Variants in SH3TC2 observed in about 807,000 individuals in gnomAD.
SH3TC2 encodes the protein SH3 domain and tetratricopeptide repeats 2, also known as SH3 domain and tetratricopeptide repeat-containing protein 2.
A neutral mutation model predicts 124.5 loss-of-function variants in SH3TC2; 87 were observed. The observed-to-expected ratio is 0.70, with a 90% CI of 0.59 to 0.84. The LOEUF is 0.84. SH3TC2 is among the 40% of genes least tolerant of loss of function. SH3TC2 has a pLI of 0.00. For missense variants in SH3TC2, 1,536 were observed against 1,566.4 expected (o/e 0.98, Z 0.33); for synonymous variants, 634 against 628.5 (o/e 1.01, Z -0.13).
rs530181557 is a variant in SH3TC2, at chr5:149,005,108, C to T, written c.3676-206G>A. On this transcript the variant is annotated intron_variant, in intron 16 of 16. Coordinates refer to ENST00000515425, the MANE Select transcript of SH3TC2 (RefSeq NM_024577.4). ...CTTGGGACATTGCTAATCACAGTGC[C>T]CTGCACTCCAGGCACAGAGGTGGTC... 2.7e-3 allele frequency among the ~76,000 whole-genome samples: 407 copies of T among 152,270 alleles called. 1 individual carries two copies. The highest frequency in any genetic ancestry group is 9.2e-3 in the African/African-American group (384 of 41,556).
At chr5:149,049,375 C>T (rs1754519072) in intron 2 of SH3TC2, among the ~76,000 whole-genome samples, 2 of 152,200 alleles carry the variant, frequency 1.3e-5, no homozygotes, top group Admixed American at 1.3e-4. Flanking sequence ...CTCTGCCCCT[C>T]AATAAATGTG....
rs918290985 is a variant in SH3TC2, at chr5:148,986,237, G to A, written c.*18474C>T. ...TTTGTAAGAACAAGAGAAAAAAAAT[G>A]TATCTGAAATCAGAAAGCAATTAAA... On this transcript the variant is annotated 3_prime_UTR_variant, in exon 17 of 17. Transcript: ENST00000515425. Among the ~76,000 whole-genome samples, 2 of 151,480 alleles carry A rather than the reference G, an allele frequency of 1.3e-5. No individual in the cohort carries two copies. The highest frequency in any genetic ancestry group is 4.8e-5 in the African/African-American group (2 of 41,376).
In SH3TC2 at chr5:149,001,634, G is replaced by T. The variant is rs1045942; in HGVS notation, c.*3077C>A. On this transcript the variant is annotated 3_prime_UTR_variant, in exon 17 of 17. Transcript: ENST00000515425. ...CTTTTTAAAAGAGTTTTAGCAAGCG[G>T]TTTACATATAGAATGTAGTAATTGC... 6.6e-6 allele frequency: 1 copy of T among 152,080 alleles called. No homozygotes were observed. The highest frequency in any genetic ancestry group is 1.9e-4 in the East Asian group (1 of 5,170). The allele number at this position is 152,080 out of a possible 1,614,324, so 9.4% of individuals were successfully genotyped here.
At chr5:149,061,170 G>A (rs1215895142) in intron 1 of SH3TC2, among the ~76,000 whole-genome samples, 1 of 152,168 alleles carries the variant, frequency 6.6e-6, no homozygotes, top group African/African-American at 2.4e-5. Context: ...CAAAAAGAAG[G>A]TGAAAGAATA....
chr5:149,024,707 T>TTCTGAC (rs1195068163), intron 12 of SH3TC2, among the ~76,000 whole-genome samples: 1 of 152,216 alleles, frequency 6.6e-6, no homozygotes, highest in African/African-American at 2.4e-5. Flanking sequence ...GCTCTGTGGC[T>TTCTGAC]TCTGACTCCC....
intron 13 of SH3TC2, among the ~76,000 whole-genome samples, chr5:149,011,521 C>T (rs541911957): frequency 4.6e-5 from 7 of 152,338 alleles, no homozygotes; most frequent in African/African-American, 1.7e-4. Flanking sequence ...AGCTCCACCA[C>T]TTACCAGTTG....
chr5:148,987,268 C>T lies in SH3TC2; in HGVS notation c.*17443G>A, dbSNP rs1460074182. Among the ~76,000 whole-genome samples the T allele has an allele frequency of 1.3e-5, 2 of 152,210 alleles. No homozygotes were observed. Among genetic ancestry groups the T allele is most frequent in the African/African-American group, 2.4e-5 (1 of 41,460 alleles). On this transcript the variant is annotated 3_prime_UTR_variant, in exon 17 of 17. Transcript: ENST00000515425. ...AACAAAGATTGGTTCTATCTGTCAC[C>T]ATTGGGAATGTTCAGGAATATTCTC...
intron 1 of SH3TC2, among the ~76,000 whole-genome samples, chr5:149,058,493 T>C (rs1754689256): frequency 6.6e-6 from 1 of 152,242 alleles, no homozygotes; most frequent in African/African-American, 2.4e-5. Context: ...ATACTTTTTA[T>C]ATGGAAGTGT....
In SH3TC2 at chr5:149,004,034, G is replaced by A. The variant is rs1753640460; in HGVS notation, c.*677C>T. 1 of 191,258 alleles carries A rather than the reference G, an allele frequency of 5.2e-6. No homozygotes were observed. The highest frequency in any genetic ancestry group is 5.8e-5 in the Admixed American group (1 of 17,300). The allele number at this position is 191,258 out of a possible 1,614,324, so 11.8% of individuals were successfully genotyped here. ...AATTTTCTTAACATTCAATTTCCAAGCCTTTGCTCTTGGAAAGCTTCCCTG... is the reference window on the plus strand; with the variant it reads ...AATTTTCTTAACATTCAATTTCCAAACCTTTGCTCTTGGAAAGCTTCCCTG... On this transcript the variant is annotated 3_prime_UTR_variant, in exon 17 of 17. Coordinates refer to ENST00000515425, the MANE Select transcript of SH3TC2 (RefSeq NM_024577.4).
chr5:149,060,160 G>T (rs1414619576), intron 1 of SH3TC2, among the ~76,000 whole-genome samples: 1 of 152,098 alleles, frequency 6.6e-6, no homozygotes, highest in Non-Finnish European at 1.5e-5. Context: ...TCTATTTAAG[G>T]GCATAAATCT....
Position 149,006,920 on chromosome 5 carries a change from C to T in SH3TC2, c.3636G>A (p.Val1212=). The T allele has an allele frequency of 6.2e-7, 1 of 1,614,076 alleles. No individual in the cohort carries two copies. Among genetic ancestry groups the T allele is most frequent in the Non-Finnish European group, 8.5e-7 (1 of 1,180,016 alleles). ...AGGTGAGTCTGCCCAGGCGATAATACACCTTGGCATAGTACAGGGCCTCCT... is the reference window on the plus strand; with the variant it reads ...AGGTGAGTCTGCCCAGGCGATAATATACCTTGGCATAGTACAGGGCCTCCT... ...SPKEALYYAK[V]YYRLGRLTFC... is the part of the protein sequence containing the mutation. The change falls in exon 16 of 17, where the codon GTG becomes GTA. Residue 1212 remains valine (V), a synonymous_variant. Transcript: ENST00000515425.
At chr5:149,015,039 C>T (rs1435262982) in intron 12 of SH3TC2, among the ~76,000 whole-genome samples, 1 of 152,224 alleles carries the variant, frequency 6.6e-6, no homozygotes, top group East Asian at 1.9e-4. Context: ...GACAGGCCAA[C>T]TGACAGAGCC....
intron 12 of SH3TC2, among the ~76,000 whole-genome samples, chr5:149,025,204 T>C (rs997385311): frequency 2.0e-5 from 3 of 152,224 alleles, no homozygotes; most frequent in African/African-American, 7.2e-5. Context: ...CCTCACATGC[T>C]GCATGGATCC....
intron 16 of SH3TC2, among the ~76,000 whole-genome samples, chr5:149,006,531 T>G (rs1026689963): frequency 1.3e-5 from 2 of 152,186 alleles, no homozygotes; most frequent in South Asian, 4.1e-4. Flanking sequence ...ATAGTTCTTT[T>G]GTTTTGGGGT....
rs139898175 is a variant in SH3TC2 at position 149,027,965 on chromosome 5, G to A, written c.1767C>T (p.Ser589=). ...YLKQRLRHKG[S]ALLEKAGALL... ...GGGCACCTGCCTTTTCCAACAGGGC[G>A]GAGCCTTTATGTCTCAGCCTCTGTT... is the stretch of plus-strand genomic sequence containing the variant. The change falls in exon 11 of 17, where the codon TCC becomes TCT. Residue 589 remains serine (S), a synonymous_variant. Transcript: ENST00000515425. 2.2e-4 allele frequency: 350 copies of A among 1,614,156 alleles called. No homozygotes were observed. Among genetic ancestry groups the A allele is most frequent in the Non-Finnish European group, 2.7e-4 (324 of 1,180,038 alleles).
At position 149,028,301 on chromosome 5, in the gene SH3TC2, C is replaced by T. The variant is rs887057321; in HGVS notation, c.1431G>A (p.Glu477=). Residue 477 remains glutamate, a synonymous_variant, in exon 11 of 17, where the codon GAG becomes GAA. Transcript: ENST00000515425. ...GACTCTTAAAGTGGTCAGCATAACCCTCATGATCCAGAAAAGCCAATATGG... is the reference window on the plus strand; with the variant it reads ...GACTCTTAAAGTGGTCAGCATAACCTTCATGATCCAGAAAAGCCAATATGG... ...FAPILAFLDH[E]GYADHFKSLY... 3 of 1,613,884 alleles carry T rather than the reference C, an allele frequency of 1.9e-6. No individual in the cohort carries two copies. The highest frequency in any genetic ancestry group is 2.7e-5 in the African/African-American group (2 of 74,936).
At chr5:149,051,020 T>C (rs1202605863) in intron 2 of SH3TC2, among the ~76,000 whole-genome samples, 1 of 152,056 alleles carries the variant, frequency 6.6e-6, no homozygotes, top group African/African-American at 2.4e-5. Context: ...CAAGCAAAAA[T>C]GAGAAAAACA....
chr5:149,056,774 C>T (rs1473517794), intron 1 of SH3TC2, among the ~76,000 whole-genome samples: 2 of 152,102 alleles, frequency 1.3e-5, no homozygotes, highest in African/African-American at 2.4e-5. Flanking sequence ...ATGGATTGAC[C>T]GTTTACAGCA....
At chr5:149,026,526 T>C (rs750620367) in intron 12 of SH3TC2, 46 bp downstream of exon 12, 6 of 1,608,328 alleles carry the variant, frequency 3.7e-6, no homozygotes, top group Non-Finnish European at 4.2e-6. Context: ...TGTTTCTCCT[T>C]AAGGAAGGAA....
Sources: gnomAD v4.1 joint callset for allele counts (sites outside exome capture counted in the v4.1 genomes callset) on GRCh38, gnomAD v4.1.1 for gene constraint, MANE v1.5 for transcripts, NCBI Gene and HGNC (gene_info 2026-07-23, HGNC 2026-07-21) for gene names.